TTC34: variants seen among roughly 807,000 people sequenced by gnomAD.
The protein encoded by TTC34 is tetratricopeptide repeat protein 34.
Under a neutral mutation model 40.7 loss-of-function variants are expected in TTC34, and 44 were observed. The observed-to-expected ratio is 1.08, with a 90% confidence interval of 0.85 to 1.39. The LOEUF is 1.39. Among genes scored for constraint, TTC34 ranks in the 40% most tolerant of loss-of-function variants. The pLI, the probability that TTC34 is intolerant of heterozygous loss-of-function variation, is 0.00. For synonymous variants in TTC34, 422 were observed against 398.6 expected, an observed-to-expected ratio of 1.06 and a Z score of -0.70; for missense variants, 884 against 838.0, an observed-to-expected ratio of 1.05 and a Z score of -0.68.
rs1553171534 is a variant in TTC34 at position 2,792,033 on chromosome 1, T to TTTTTTTTTTTTTTTTTTTTTTTTTTA, written c.785-1688_785-1687insTAAAAAAAAAAAAAAAAAAAAAAAAA. ...TTTTTTTTTTTTTTTTTTTTTTTTT[T>TTTTTTTTTTTTTTTTTTTTTTTTTTA]AAAGACAGGGTCTTGCTCCATCACC... On this transcript the variant is annotated intron_variant, in intron 2 of 8. Transcript: ENST00000401095. 5.6e-5 allele frequency among the ~76,000 whole-genome samples: 6 copies of TTTTTTTTTTTTTTTTTTTTTTTTTTA among 107,166 alleles called. 2 individuals are homozygous for TTTTTTTTTTTTTTTTTTTTTTTTTTA. Among genetic ancestry groups the TTTTTTTTTTTTTTTTTTTTTTTTTTA allele is most frequent in the East Asian group, 5.8e-4 (2 of 3,478 alleles). 70.3% of individuals were successfully genotyped at this position (107,166 alleles called of 152,430 possible).
chr1:2,787,684 G>A, exon 4 of TTC34: 1 of 1,546,796 alleles, frequency 6.5e-7, no homozygotes, highest in African/African-American at 1.4e-5. Context: ...AGTGTGGCCA[G>A]CTGGTGCACG....
At chr1:2,656,415 C>A (rs1436632693) in intron 6 of TTC34, among the ~76,000 whole-genome samples, 1 of 18,134 alleles carries the variant, frequency 5.5e-5, no homozygotes, top group Non-Finnish European at 1.0e-4. Flanking sequence ...AGCACCCACA[C>A]CCCCAGGTGA....
intron 6 of TTC34, among the ~76,000 whole-genome samples, chr1:2,755,775 C>A (rs1641484354): frequency 5.1e-5 from 7 of 137,960 alleles, no homozygotes; most frequent in South Asian, 2.5e-4. Context: ...CCTGGAACGG[C>A]ACCCACACCC....
At chr1:2,677,954 C>T (rs1202243686) in intron 6 of TTC34, among the ~76,000 whole-genome samples, 4 of 40,330 alleles carry the variant, frequency 9.9e-5, no homozygotes, top group African/African-American at 6.3e-4. Flanking sequence ...CATCCGACAG[C>T]CTGGAGCAGC....
chr1:2,677,773 C>G (rs1202588659), intron 6 of TTC34, among the ~76,000 whole-genome samples: 1 of 148,080 alleles, frequency 6.8e-6, no homozygotes, highest in African/African-American at 2.5e-5. Context: ...CACCCACACC[C>G]CCAGGTGAGC....
At chr1:2,686,314 C>T (rs1640342982) in intron 6 of TTC34, among the ~76,000 whole-genome samples, 1 of 151,690 alleles carries the variant, frequency 6.6e-6, no homozygotes, top group African/African-American at 2.4e-5. Flanking sequence ...CGGAGCAGCA[C>T]CCACACCTCC....
chr1:2,646,408 A>G (rs1639022677), intron 6 of TTC34, among the ~76,000 whole-genome samples: 1 of 152,170 alleles, frequency 6.6e-6, no homozygotes, highest in African/African-American at 2.4e-5. Context: ...ATTTTGAGAC[A>G]GGGTCTCTGT....
chr1:2,769,515 T>G (rs1385805055), intron 6 of TTC34, among the ~76,000 whole-genome samples: 1 of 74,592 alleles, frequency 1.3e-5, no homozygotes, highest in Non-Finnish European at 2.4e-5. Context: ...ACACCCCCAG[T>G]GAGCATCTGA....
intron 6 of TTC34, among the ~76,000 whole-genome samples, chr1:2,687,775 G>C (rs557895408): frequency 4.0e-5 from 6 of 150,142 alleles, no homozygotes; most frequent in African/African-American, 2.5e-5. Context: ...ACCCTGAGGC[G>C]AGCATCTGAC....
chr1:2,751,582 G>A lies in TTC34; in HGVS notation c.2226+32027C>T, dbSNP rs1281618360. On this transcript the variant is annotated intron_variant, in intron 6 of 8. Coordinates refer to ENST00000401095, the Ensembl canonical transcript of TTC34. ...AGCACGCACACCCCCAGGTGCGCAC[G>A]TGACAGCCTGCAACAGCACCCACAC... is the stretch of plus-strand genomic sequence containing the variant. Among the ~76,000 whole-genome samples the A allele has an allele frequency of 4.1e-4, 5 of 12,168 alleles. 2 individuals are homozygous for A. The highest frequency in any genetic ancestry group is 7.4e-4 in the African/African-American group (2 of 2,700). 8.0% of individuals were successfully genotyped at this position (12,168 alleles called of 152,430 possible). A position where few individuals can be genotyped will look rare whatever the true frequency, so the allele number is the denominator to read the frequency against.
chr1:2,753,302 G>T (rs1641388239), intron 6 of TTC34, among the ~76,000 whole-genome samples: 1 of 126,798 alleles, frequency 7.9e-6, no homozygotes, highest in African/African-American at 3.3e-5. Context: ...GCACACCCAG[G>T]TGAGCATCCG....
chr1:2,751,467 G>T (rs879134106), intron 6 of TTC34, among the ~76,000 whole-genome samples: 3 of 90,652 alleles, frequency 3.3e-5, no homozygotes, highest in Admixed American at 1.4e-4. Context: ...GCATCTGACA[G>T]ACTGGAACTG....
chr1:2,641,355 G>A (rs1570742626), exon 9 of TTC34: 1 of 1,479,490 alleles, frequency 6.8e-7, no homozygotes, highest in African/African-American at 1.4e-5. Flanking sequence ...GGCTGGGAGA[G>A]GGTCAGGCCC....
intron 6 of TTC34, among the ~76,000 whole-genome samples, chr1:2,769,666 C>G (rs1557651102): frequency 1.2e-5 from 1 of 85,006 alleles, no homozygotes; most frequent in African/African-American, 5.0e-5. Context: ...GAGCAGCACC[C>G]TACACCCCCA....
chr1:2,639,772 C>T (rs1418641514), exon 9 of TTC34: 1 of 152,366 alleles, frequency 6.6e-6, no homozygotes, highest in Non-Finnish European at 1.5e-5. Context: ...CCCTCTCCCA[C>T]TGTGGGCTGC....
chr1:2,648,637 G>A (rs1188728255), intron 6 of TTC34, among the ~76,000 whole-genome samples: 2 of 148,430 alleles, frequency 1.3e-5, no homozygotes, highest in East Asian at 4.0e-4. Context: ...CCCCAGGGGA[G>A]CATCTTACAG....
chr1:2,685,083 A>G (rs1449859599), intron 6 of TTC34, among the ~76,000 whole-genome samples: 3 of 67,648 alleles, frequency 4.4e-5, no homozygotes, highest in African/African-American at 1.8e-4. Flanking sequence ...CTGCACCCCC[A>G]GGTGTGCACG....
rs545195376 is a variant in TTC34, at chr1:2,796,160, T to C, written c.784+3884A>G. ...GCCTGTTGGGGCCTTGGTTTTGGGCTTCCAGCGTCCAGAACTGGAGCTCAT... is the reference window on the plus strand; with the variant it reads ...GCCTGTTGGGGCCTTGGTTTTGGGCCTCCAGCGTCCAGAACTGGAGCTCAT... On this transcript the variant is annotated intron_variant, in intron 2 of 8. Coordinates refer to ENST00000401095, the Ensembl canonical transcript of TTC34. This position sits in a 1 kb window ranked among gnomAD's most constrained non-coding sequence, Gnocchi z 4.5. 6.6e-6 allele frequency among the ~76,000 whole-genome samples: 1 copy of C among 152,320 alleles called. No homozygotes were observed. The highest frequency in any genetic ancestry group is 2.4e-5 in the African/African-American group (1 of 41,574).
intron 5 of TTC34, among the ~76,000 whole-genome samples, chr1:2,785,405 G>A (rs575013691): frequency 2.0e-5 from 3 of 152,208 alleles, no homozygotes; most frequent in Non-Finnish European, 4.4e-5. Flanking sequence ...CAGCACCCCC[G>A]TGCTGGGTGT....
Sources: gnomAD v4.1 joint callset for allele counts (sites outside exome capture counted in the v4.1 genomes callset) on GRCh38, gnomAD v4.1.1 for gene constraint, Gnocchi (gnomAD v3.1) non-coding constraint, MANE v1.5 for transcripts, NCBI Gene and HGNC (gene_info 2026-07-23, HGNC 2026-07-21) for gene names.